Variants in FRMD3 observed in about 807,000 individuals in gnomAD.
FRMD3 encodes FERM domain-containing protein 3.
FRMD3 carries 33 observed loss-of-function variants against 70.2 expected under a neutral mutation model. That is an observed-to-expected ratio of 0.47 (90% CI 0.36 to 0.63). FRMD3 has a LOEUF of 0.63. Among genes scored for constraint, FRMD3 ranks in the 20% least tolerant of loss-of-function variants. The probability of loss-of-function intolerance (pLI) is 0.00; values close to 1 mark genes in which losing one functional copy is unlikely to be tolerated. For missense variants in FRMD3, 632 were observed against 711.4 expected, an observed-to-expected ratio of 0.89 and a Z score of 1.27; for synonymous variants, 279 against 255.9, an observed-to-expected ratio of 1.09 and a Z score of -0.86.
At chr9:83,253,168 T>C (rs999559622) in intron 13 of FRMD3, among the ~76,000 whole-genome samples, 1 of 152,104 alleles carries the variant, frequency 6.6e-6, no homozygotes, top group African/African-American at 2.4e-5. Context: ...ATCGTAACAG[T>C]CTGTCAGCCC....
intron 13 of FRMD3, among the ~76,000 whole-genome samples, chr9:83,272,142 C>G (rs1833580021): frequency 6.6e-6 from 1 of 151,990 alleles, no homozygotes; most frequent in African/African-American, 2.4e-5. Context: ...CACGGTCTCC[C>G]TCTGATGCCT....
intron 13 of FRMD3, among the ~76,000 whole-genome samples, chr9:83,272,930 G>A (rs1833642547): frequency 6.6e-6 from 1 of 151,308 alleles, no homozygotes; most frequent in Non-Finnish European, 1.5e-5. Context: ...GAAGTGAGGA[G>A]CCCCTCCGCC....
At chr9:83,526,767 A>G (rs1246779341) in intron 1 of FRMD3, among the ~76,000 whole-genome samples, 1 of 152,218 alleles carries the variant, frequency 6.6e-6, no homozygotes, top group Non-Finnish European at 1.5e-5. Context: ...GGAGATATTT[A>G]ACAAATGTTT....
At chr9:83,478,322 T>C (rs17086319) in intron 1 of FRMD3, among the ~76,000 whole-genome samples, 54,085 of 152,066 alleles carry the variant, frequency 0.36, 9,942 homozygotes, top group Middle Eastern at 0.41. Flanking sequence ...TTAGTTGTTA[T>C]GCAAAATGTA....
At chr9:83,512,912 A>G (rs1829370233) in intron 1 of FRMD3, among the ~76,000 whole-genome samples, 1 of 152,192 alleles carries the variant, frequency 6.6e-6, no homozygotes, top group Non-Finnish European at 1.5e-5. Context: ...GAGAAAGGGG[A>G]GCACACAGAT....
rs546066251 is a variant in FRMD3, at chr9:83,518,846, C to A, written c.147+19239G>T. 1.2e-3 allele frequency among the ~76,000 whole-genome samples: 187 copies of A among 152,324 alleles called. 1 individual carries two copies. The highest frequency in any genetic ancestry group is 4.3e-3 in the African/African-American group (177 of 41,566). On this transcript the variant is annotated intron_variant, in intron 1 of 13. Coordinates refer to ENST00000304195, the MANE Select transcript of FRMD3 (RefSeq NM_174938.6). ...CCTCAGAAATAATACCACACATCTA[C>A]AACCATCTGATCTTTGACAAACCTG...
At chr9:83,300,973 T>C (rs1321878809) in intron 10 of FRMD3, among the ~76,000 whole-genome samples, 1 of 152,060 alleles carries the variant, frequency 6.6e-6, no homozygotes, top group Non-Finnish European at 1.5e-5. Flanking sequence ...ACCACCTGTG[T>C]AAACAGCCAA....
intron 1 of FRMD3, among the ~76,000 whole-genome samples, chr9:83,490,487 G>A (rs542174716): frequency 8.1e-4 from 123 of 151,988 alleles, no homozygotes; most frequent in African/African-American, 2.5e-3. Context: ...ACAGGATTTC[G>A]CCAAGGATGG....
chr9:83,498,275 G>A (rs955693090), intron 1 of FRMD3, among the ~76,000 whole-genome samples: 1 of 152,214 alleles, frequency 6.6e-6, no homozygotes, highest in Non-Finnish European at 1.5e-5. Context: ...TCTCTCCAGA[G>A]CAGAGGGAAT....
chr9:83,534,427 A>G (rs1829849705), intron 1 of FRMD3, among the ~76,000 whole-genome samples: 1 of 152,228 alleles, frequency 6.6e-6, no homozygotes. Context: ...GGATTATTTA[A>G]AAGCTGTTAT....
At chr9:83,369,098 C>G (rs1382110070) in intron 3 of FRMD3, among the ~76,000 whole-genome samples, 1 of 152,076 alleles carries the variant, frequency 6.6e-6, no homozygotes, top group Non-Finnish European at 1.5e-5. Context: ...CGTAATGCAC[C>G]CACTTCGGCC....
At chr9:83,540,965 T>C (rs145150674), upstream of FRMD3, among the ~76,000 whole-genome samples, 5 of 152,218 alleles carry the variant, frequency 3.3e-5, no homozygotes, top group Admixed American at 2.6e-4. Flanking sequence ...GGAATAAGAA[T>C]AGGACTATAA....
Position 83,309,259 on chromosome 9 carries a change from TACACACACACACACAC to T in FRMD3, c.926+261_926+276del, listed in dbSNP as rs3029557. On this transcript the variant is annotated intron_variant, in intron 10 of 13. Coordinates refer to ENST00000304195, the MANE Select transcript of FRMD3 (RefSeq NM_174938.6). ...ATTTTGTGGAAATAGCTATTTGAAA[TACACACACACACACAC>T]ACACACACACACACACACACACACA... Among the ~76,000 whole-genome samples, 193 of 138,378 alleles carry T rather than the reference TACACACACACACACAC, an allele frequency of 1.4e-3. 3 individuals carry two copies. In the East Asian group the frequency reaches 0.027, roughly 19 times the overall value. The allele number at this position is 138,378 out of a possible 152,430, so 90.8% of individuals were successfully genotyped here. A position where few individuals can be genotyped will look rare whatever the true frequency, so the allele number is the denominator to read the frequency against.
At chr9:83,284,061 A>ATTTTTTTTTTTTTTTTTTTTTGTCT (rs1834089536) in intron 13 of FRMD3, among the ~76,000 whole-genome samples, 1 of 101,712 alleles carries the variant, frequency 9.8e-6, no homozygotes, top group Non-Finnish European at 2.0e-5. Flanking sequence ...CTAGGATGTT[A>ATTTTTTTTTTTTTTTTTTTTTGTCT]TTTTTTTTTT....
At position 83,352,690 on chromosome 9, in the gene FRMD3, T is replaced by A. The variant is rs552678135; in HGVS notation, c.296-2933A>T. 6.2e-4 allele frequency among the ~76,000 whole-genome samples: 94 copies of A among 152,274 alleles called. 1 individual carries two copies. Among genetic ancestry groups the A allele is most frequent in the African/African-American group, 2.2e-3 (92 of 41,564 alleles). On this transcript the variant is annotated intron_variant, in intron 3 of 13. Transcript: ENST00000304195. ...CCTCTTCATTTGAAGCAGTTCTGAGTGGCCTTCACCAGCCGGCCCCTCCAC... is the reference window on the plus strand; with the variant it reads ...CCTCTTCATTTGAAGCAGTTCTGAGAGGCCTTCACCAGCCGGCCCCTCCAC...
At chr9:83,267,626 A>G (rs1587649996) in intron 13 of FRMD3, among the ~76,000 whole-genome samples, 2 of 152,388 alleles carry the variant, frequency 1.3e-5, no homozygotes, top group Non-Finnish European at 2.9e-5. Context: ...GCATTTAAAA[A>G]GCAAAATAAA....
At chr9:83,294,898 TC>T (rs1564000031) in intron 12 of FRMD3, among the ~76,000 whole-genome samples, 1 of 152,186 alleles carries the variant, frequency 6.6e-6, no homozygotes, top group Non-Finnish European at 1.5e-5. Flanking sequence ...TGTGCAGATG[TC>T]CCAGTCAGCT....
intron 1 of FRMD3, among the ~76,000 whole-genome samples, chr9:83,529,660 T>C (rs1023814494): frequency 4.6e-5 from 7 of 152,192 alleles, no homozygotes; most frequent in Non-Finnish European, 7.3e-5. Flanking sequence ...AATTGGACTT[T>C]ATCAAAATTA....
At chr9:83,392,314 T>C (rs1237466320) in intron 1 of FRMD3, among the ~76,000 whole-genome samples, 1 of 152,132 alleles carries the variant, frequency 6.6e-6, no homozygotes, top group African/African-American at 2.4e-5. Flanking sequence ...ATTCTTCGCC[T>C]GGAAATCCGA....
Sources: allele counts gnomAD v4.1 joint callset (sites outside exome capture counted in the v4.1 genomes callset), GRCh38; gene constraint gnomAD v4.1.1; transcripts MANE v1.5; gene names NCBI Gene and HGNC (gene_info 2026-07-23, HGNC 2026-07-21).